ATP10B: variants seen among roughly 807,000 people sequenced by gnomAD.
ATP10B encodes the protein phospholipid-transporting ATPase VB.
ATP10B carries 122 observed loss-of-function variants against 141.2 expected under a neutral mutation model. The observed-to-expected ratio is 0.86, with a 90% CI of 0.75 to 1.00. The LOEUF (loss-of-function observed/expected upper bound fraction) is 1.00. ATP10B is among the 50% of genes least tolerant of loss of function. ATP10B has a pLI of 0.00. For synonymous variants in ATP10B, 685 were observed against 692.0 expected (o/e 0.99, Z 0.16); for missense variants, 1,876 against 1,825.3 (o/e 1.03, Z -0.51).
At chr5:160,656,648 CT>C (rs1413142054) in intron 7 of ATP10B, among the ~76,000 whole-genome samples, 1 of 151,698 alleles carries the variant, frequency 6.6e-6, no homozygotes, top group Non-Finnish European at 1.5e-5. Context: ...AATATATATT[CT>C]TAAATAATGG....
the ATP10B span, among the ~76,000 whole-genome samples, chr5:160,869,635 C>T: frequency 3.9e-5 from 6 of 152,228 alleles, no homozygotes; most frequent in East Asian, 1.2e-3. Context: ...CTTCTTGTAT[C>T]TGTAAGAAAA....
At chr5:160,925,187 T>A in the ATP10B span, among the ~76,000 whole-genome samples, 245 of 152,360 alleles carry the variant, frequency 1.6e-3, 1 homozygote, top group Non-Finnish European at 2.9e-3. Flanking sequence ...GAGTTCAAAG[T>A]TCTAATCCTG....
intron 2 of ATP10B, among the ~76,000 whole-genome samples, chr5:160,772,161 T>C (rs1769952402): frequency 1.3e-5 from 2 of 152,262 alleles, no homozygotes; most frequent in South Asian, 4.1e-4. Flanking sequence ...TGCTGGATCA[T>C]ATGGTAATTG....
At chr5:160,733,015 T>C (rs1766847899) in intron 2 of ATP10B, among the ~76,000 whole-genome samples, 1 of 152,192 alleles carries the variant, frequency 6.6e-6, no homozygotes, top group African/African-American at 2.4e-5. Context: ...TTTTGATAGG[T>C]ATTGTATTAA....
the ATP10B span, among the ~76,000 whole-genome samples, chr5:160,867,436 C>A: frequency 6.6e-6 from 1 of 151,994 alleles, no homozygotes; most frequent in East Asian, 1.9e-4. Flanking sequence ...AAGCTTATGG[C>A]CTAGATGTGA....
intron 1 of ATP10B, among the ~76,000 whole-genome samples, chr5:160,841,952 T>G (rs1197434854): frequency 6.6e-6 from 1 of 152,168 alleles, no homozygotes; most frequent in African/African-American, 2.4e-5. Flanking sequence ...CTTGAACTCC[T>G]GACCTCAGGT....
At chr5:160,840,261 G>A (rs1207726050) in intron 1 of ATP10B, among the ~76,000 whole-genome samples, 3 of 151,950 alleles carry the variant, frequency 2.0e-5, no homozygotes, top group Non-Finnish European at 4.4e-5. Context: ...AGTTCACATG[G>A]AAAAATAAAT....
intron 7 of ATP10B, among the ~76,000 whole-genome samples, chr5:160,658,903 C>A (rs1162482604): frequency 6.6e-6 from 1 of 152,132 alleles, no homozygotes; most frequent in Non-Finnish European, 1.5e-5. Context: ...TTTGTCCACA[C>A]TATTTTGAAT....
chr5:160,859,506 C>T, the ATP10B span, among the ~76,000 whole-genome samples: 1 of 151,682 alleles, frequency 6.6e-6, no homozygotes, highest in South Asian at 2.1e-4. Context: ...GCCCCCTCCC[C>T]ATAATCCCCC....
intron 2 of ATP10B, among the ~76,000 whole-genome samples, chr5:160,780,311 A>T (rs1770629751): frequency 6.6e-6 from 1 of 152,098 alleles, no homozygotes; most frequent in Admixed American, 6.6e-5. Flanking sequence ...GCCTTTTTAT[A>T]GGGTTGCCAT....
intron 1 of ATP10B, among the ~76,000 whole-genome samples, chr5:160,824,753 T>C (rs1177983041): frequency 6.6e-6 from 1 of 151,484 alleles, no homozygotes; most frequent in Non-Finnish European, 1.5e-5. Flanking sequence ...TTGTGGGACC[T>C]CTGTGGTATA....
intron 8 of ATP10B, among the ~76,000 whole-genome samples, chr5:160,645,162 T>C (rs927050034): frequency 1.3e-5 from 2 of 150,254 alleles, no homozygotes; most frequent in Non-Finnish European, 3.0e-5. Flanking sequence ...GCTATGGAGT[T>C]ACCCTTCTTT....
At chr5:160,648,926 G>GTTTTT (rs367848503) in intron 8 of ATP10B, among the ~76,000 whole-genome samples, 2 of 131,080 alleles carry the variant, frequency 1.5e-5, no homozygotes, top group African/African-American at 5.8e-5. Flanking sequence ...TTTTACTAAG[G>GTTTTT]TTTTTTTTTT....
the ATP10B span, among the ~76,000 whole-genome samples, chr5:160,899,553 A>G: frequency 6.6e-6 from 1 of 152,194 alleles, no homozygotes; most frequent in African/African-American, 2.4e-5. Flanking sequence ...CAATTATAGT[A>G]TAATACGTGC....
chr5:160,862,742 TTATC>T, the ATP10B span, among the ~76,000 whole-genome samples: 1 of 152,002 alleles, frequency 6.6e-6, no homozygotes, highest in Non-Finnish European at 1.5e-5. Context: ...TTTCAATCCT[TTATC>T]AATCTTTATT....
chr5:160,596,245 TATC>T (rs1756687900), intron 22 of ATP10B, among the ~76,000 whole-genome samples: 5 of 152,070 alleles, frequency 3.3e-5, no homozygotes, highest in Admixed American at 3.3e-4. Context: ...AATATACTCA[TATC>T]AATAAATGTA....
intron 21 of ATP10B, among the ~76,000 whole-genome samples, chr5:160,601,314 T>C (rs981650878): frequency 3.9e-5 from 6 of 152,210 alleles, no homozygotes; most frequent in Admixed American, 3.9e-4. Context: ...AAAATTGCAA[T>C]TTTGTAGCTA....
the ATP10B span, among the ~76,000 whole-genome samples, chr5:160,897,449 C>A: frequency 6.6e-6 from 1 of 151,922 alleles, no homozygotes; most frequent in African/African-American, 2.4e-5. Flanking sequence ...ACAATTACTA[C>A]AAAGAATAAA....
chr5:160,589,711 C>G lies in ATP10B; in HGVS notation c.3646-15G>C. 1 of 1,588,162 alleles carries G rather than the reference C, an allele frequency of 6.3e-7. No individual in the cohort carries two copies. The highest frequency in any genetic ancestry group is 8.6e-7 in the Non-Finnish European group (1 of 1,156,514). Reference sequence around the variant, plus strand: ...CCCTTATAGGCCTGCAGAGGAGGAACAGACAGGCATTGTCAGGTATGTCTG... The same window carrying G: ...CCCTTATAGGCCTGCAGAGGAGGAAGAGACAGGCATTGTCAGGTATGTCTG... On this transcript the variant is annotated splice_polypyrimidine_tract_variant and intron_variant, in intron 23 of 25. Coordinates refer to ENST00000327245, the MANE Select transcript of ATP10B (RefSeq NM_025153.3).
Sources: allele counts gnomAD v4.1 joint callset (sites outside exome capture counted in the v4.1 genomes callset), GRCh38; gene constraint gnomAD v4.1.1; transcripts MANE v1.5; gene names NCBI Gene and HGNC (gene_info 2026-07-23, HGNC 2026-07-21).